The following P2RX5 variants were observed in gnomAD, a reference collection of about 807,000 sequenced individuals.
P2RX5 encodes P2X purinoceptor 5.
A neutral mutation model predicts 54.1 loss-of-function variants in P2RX5; 46 were observed. The ratio of observed to expected loss-of-function variants is 0.85; its 90% CI spans 0.67 to 1.09. The LOEUF (loss-of-function observed/expected upper bound fraction) is 1.09, where lower values mean the gene tolerates loss of function less well. Ranked by LOEUF, P2RX5 falls within the 50% of genes least tolerant of loss-of-function variation. The pLI is 0.00. For missense variants in P2RX5, 566 were observed against 549.8 expected, an observed-to-expected ratio of 1.03 and a Z score of -0.29; for synonymous variants, 226 against 226.4, an observed-to-expected ratio of 1.00 and a Z score of 0.02.
At chr17:3,698,564 A>G (rs1008993336), upstream of P2RX5, among the ~76,000 whole-genome samples, 4 of 152,098 alleles carry the variant, frequency 2.6e-5, no homozygotes, top group Admixed American at 2.6e-4. Flanking sequence ...GCTGTTCTTG[A>G]TTCATCAAAC....
chr17:3,713,096 G>A, the P2RX5 span, among the ~76,000 whole-genome samples: 1 of 152,366 alleles, frequency 6.6e-6, no homozygotes, highest in East Asian at 1.9e-4. Context: ...AGGCGCAGTG[G>A]CTCACGCCCC....
At chr17:3,677,493 A>G (rs929319556) in intron 11 of P2RX5, 1 of 985,238 alleles carries the variant, frequency 1.0e-6, no homozygotes, top group Non-Finnish European at 1.2e-6. Flanking sequence ...GCCACCTTTA[A>G]ATTTTATCCT....
At chr17:3,685,648 G>A (rs113349015) in intron 9 of P2RX5, 5,411 of 31,416 alleles carry the variant, frequency 0.17, 192 homozygotes, top group Non-Finnish European at 0.3. Context: ...GACCCTCCCA[G>A]CGTCCCCCTC....
chr17:3,685,089 G>C (rs559091569), intron 9 of P2RX5, among the ~76,000 whole-genome samples: 22 of 151,984 alleles, frequency 1.4e-4, no homozygotes, highest in African/African-American at 4.3e-4. Flanking sequence ...CAGGTGATCC[G>C]CCACCTCACC....
rs903104859 is a variant in P2RX5 at position 3,676,308 on chromosome 17, G to A, written c.1260-2431C>T. Reference sequence around the variant, plus strand: ...GGGAGACTGGGTCTTAAGCGCCAGCGTCAGGAGAAGTTCATTACCTGAGTG... The same window carrying A: ...GGGAGACTGGGTCTTAAGCGCCAGCATCAGGAGAAGTTCATTACCTGAGTG... On this transcript the variant is annotated intron_variant, in intron 11 of 11. Coordinates refer to ENST00000225328, the MANE Select transcript of P2RX5 (RefSeq NM_002561.4). The A allele has an allele frequency of 1.0e-5, 10 of 985,286 alleles. No individual in the cohort carries two copies. The South Asian group carries it at 1.9e-4, about 19-fold the overall frequency. 61.0% of individuals were successfully genotyped at this position (985,286 alleles called of 1,614,324 possible).
At chr17:3,694,120 G>A (rs2050692020) in intron 1 of P2RX5, among the ~76,000 whole-genome samples, 2 of 151,622 alleles carry the variant, frequency 1.3e-5, no homozygotes, top group South Asian at 4.2e-4. Context: ...TGACCACAAT[G>A]TGGCAGCCCC....
In P2RX5 at chr17:3,677,454, G is replaced by A. The variant is rs1007091006; in HGVS notation, c.1259+2136C>T. On this transcript the variant is annotated intron_variant, in intron 11 of 11. Coordinates refer to ENST00000225328, the MANE Select transcript of P2RX5 (RefSeq NM_002561.4). ...ACTAAGAGCCAGCTGCCTCCTGACTGCTCCAGTCCTTTCCTGGTTGCCTCC... is the reference window on the plus strand; with the variant it reads ...ACTAAGAGCCAGCTGCCTCCTGACTACTCCAGTCCTTTCCTGGTTGCCTCC... 5.0e-5 allele frequency: 49 copies of A among 985,352 alleles called. No homozygotes were observed. The African/African-American group carries it at 8.0e-4, about 16-fold the overall frequency. The allele number at this position is 985,352 out of a possible 1,614,324, so 61.0% of individuals were successfully genotyped here.
chr17:3,716,280 G>A, the P2RX5 span, among the ~76,000 whole-genome samples: 1 of 152,086 alleles, frequency 6.6e-6, no homozygotes, highest in Non-Finnish European at 1.5e-5. Flanking sequence ...GACAGGGGAA[G>A]GCAAGGAAAA....
rs1349805654 is a variant in P2RX5 at position 3,688,770 on chromosome 17, G to C, written c.754-11C>G. The C allele has an allele frequency of 6.2e-7, 1 of 1,613,926 alleles. No homozygotes were observed. The highest frequency in any genetic ancestry group is 1.1e-5 in the South Asian group (1 of 91,088). ...TCCTATCACGCCACCCTTGATAAAA[G>C]AGAGATGAGGGTCAGCACACACAGC... is the stretch of plus-strand genomic sequence containing the variant. On this transcript the variant is annotated splice_polypyrimidine_tract_variant and intron_variant, in intron 7 of 11. Transcript: ENST00000225328.
chr17:3,682,811 GGCCA>G (rs1207338879), intron 9 of P2RX5: 9 of 152,330 alleles, frequency 5.9e-5, no homozygotes, highest in African/African-American at 2.2e-4. Context: ...GATCACCTGA[GGCCA>G]GGAGTTCGAG....
At chr17:3,677,067 A>C in intron 11 of P2RX5, 1 of 984,340 alleles carries the variant, frequency 1.0e-6, no homozygotes, top group East Asian at 1.1e-4. Flanking sequence ...ATTTCAAAAA[A>C]ATAAATAAAT....
chr17:3,681,164 C>G (rs222773), intron 10 of P2RX5, among the ~76,000 whole-genome samples: 88,398 of 152,080 alleles, frequency 0.58, 26,532 homozygotes, highest in East Asian at 0.83. Context: ...TCAGGGCGCA[C>G]GGCTATAACC....
chr17:3,676,007 G>A (rs1269407895), intron 11 of P2RX5: 15 of 985,254 alleles, frequency 1.5e-5, no homozygotes, highest in African/African-American at 5.2e-5. Context: ...CCTCAGTGGA[G>A]GGATGCTCTC....
chr17:3,677,308 T>A (rs939259366), intron 11 of P2RX5: 3 of 985,186 alleles, frequency 3.0e-6, no homozygotes, highest in Non-Finnish European at 3.6e-6. Context: ...GGCGACTGTA[T>A]CTCCCATCTG....
upstream of P2RX5, among the ~76,000 whole-genome samples, chr17:3,699,936 AAG>A (rs1310795893): frequency 8.1e-6 from 1 of 124,090 alleles, no homozygotes; most frequent in Non-Finnish European, 1.9e-5. Context: ...GAAAGAAAGA[AAG>A]AAAGAAAGAA....
In P2RX5 at chr17:3,678,380, G is replaced by A. The variant is rs1199916281; in HGVS notation, c.1259+1210C>T. Among the ~76,000 whole-genome samples, 5 of 152,384 alleles carry A rather than the reference G, an allele frequency of 3.3e-5. No individual in the cohort carries two copies. The East Asian group carries it at 7.7e-4, about 24-fold the overall frequency. On this transcript the variant is annotated intron_variant, in intron 11 of 11. Transcript: ENST00000225328. ...GCGGTGGCAGCTGGAGCGTGGGCCT[G>A]TGAGTCCACAGCCTCCCACAAGCCT...
At chr17:3,704,552 A>G in the P2RX5 span, among the ~76,000 whole-genome samples, 4 of 152,232 alleles carry the variant, frequency 2.6e-5, no homozygotes, top group African/African-American at 7.2e-5. Context: ...TCTCTGTGGG[A>G]GGCACTTCCG....
Position 3,673,227 on chromosome 17 carries a change from T to C in P2RX5, c.*641A>G. 1.0e-6 allele frequency: 1 copy of C among 986,546 alleles called. No individual in the cohort carries two copies. Among genetic ancestry groups the C allele is most frequent in the African/African-American group, 1.7e-5 (1 of 57,272 alleles). 61.1% of individuals were successfully genotyped at this position (986,546 alleles called of 1,614,324 possible). A position where few individuals can be genotyped will look rare whatever the true frequency, so the allele number is the denominator to read the frequency against. On this transcript the variant is annotated 3_prime_UTR_variant, in exon 12 of 12. Coordinates refer to ENST00000225328, the MANE Select transcript of P2RX5 (RefSeq NM_002561.4). ...ATGAAGAGAAAAAAATCAGGACACG[T>C]TTGAAATTGACACCATTTATTGTTT...
At chr17:3,714,441 T>TGG in the P2RX5 span, among the ~76,000 whole-genome samples, 22,518 of 151,804 alleles carry the variant, frequency 0.15, 5,231 homozygotes, top group African/African-American at 0.5. Flanking sequence ...TTGGCTAGGA[T>TGG]AGTCTCGATC....
Sources: allele counts gnomAD v4.1 joint callset (sites outside exome capture counted in the v4.1 genomes callset), GRCh38; gene constraint gnomAD v4.1.1; transcripts MANE v1.5; gene names NCBI Gene and HGNC (gene_info 2026-07-23, HGNC 2026-07-21).